The following SGCG variants were observed in gnomAD, a reference collection of about 807,000 sequenced individuals.
SGCG encodes gamma-sarcoglycan.
Under a neutral mutation model 29.3 loss-of-function variants are expected in SGCG, and 26 were observed. That is an observed-to-expected ratio of 0.89 (90% confidence interval 0.65 to 1.23). SGCG has a LOEUF of 1.23. Among genes scored for constraint, SGCG ranks in the 50% most tolerant of loss-of-function variants. SGCG has a pLI of 0.00. For missense variants in SGCG, 353 were observed against 356.0 expected (o/e 0.99, Z 0.07); for synonymous variants, 145 against 129.7 (o/e 1.12, Z -0.80).
At chr13:23,274,701 C>T (rs1324226217) in intron 4 of SGCG, among the ~76,000 whole-genome samples, 2 of 152,084 alleles carry the variant, frequency 1.3e-5, no homozygotes, top group Non-Finnish European at 2.9e-5. Context: ...GGATTATGGG[C>T]GTGAGCCACT....
chr13:23,180,180 G>C (rs1165011709), upstream of SGCG, among the ~76,000 whole-genome samples: 1 of 151,902 alleles, frequency 6.6e-6, no homozygotes, highest in East Asian at 1.9e-4. Flanking sequence ...CTGCAAACCA[G>C]GTCACATAAA....
At chr13:23,274,400 T>C (rs1316588951) in intron 4 of SGCG, among the ~76,000 whole-genome samples, 19 of 117,698 alleles carry the variant, frequency 1.6e-4, no homozygotes, top group South Asian at 8.5e-4. Context: ...TTTCTCTTTT[T>C]TTTTTTTTTT....
Position 23,324,640 on chromosome 13 carries a change from G to T in SGCG, c.*99G>T. ...GTGAAAGACTGAGGCAGCGTGGATG[G>T]GAAGTAAACGCTTCCAGAGGAACTC... On this transcript the variant is annotated 3_prime_UTR_variant, in exon 8 of 8. Transcript: ENST00000218867. The T allele has an allele frequency of 9.5e-7, 1 of 1,054,196 alleles. No homozygotes were observed. The highest frequency in any genetic ancestry group is 1.4e-6 in the Non-Finnish European group (1 of 699,300). The allele number at this position is 1,054,196 out of a possible 1,614,324, so 65.3% of individuals were successfully genotyped here.
Position 23,320,641 on chromosome 13 carries a change from G to C in SGCG, c.583G>C (p.Glu195Gln), listed in dbSNP as rs1192717113. ...RADPFQDLRL[E>Q]SPTRSLSMDA... ...TGCTTCTTTTCCTCATCTCAGATTA[G>C]AATCCCCCACTCGGAGTCTAAGCAT... Residue 195 changes from glutamate (E) to glutamine (Q), a missense_variant, in exon 7 of 8, where the codon GAA becomes CAA. Transcript: ENST00000218867. 2 of 1,327,984 alleles carry C rather than the reference G, an allele frequency of 1.5e-6. No individual in the cohort carries two copies. Among genetic ancestry groups the C allele is most frequent in the Non-Finnish European group, 2.1e-6 (2 of 962,074 alleles). The allele number at this position is 1,327,984 out of a possible 1,614,324, so 82.3% of individuals were successfully genotyped here. A position where few individuals can be genotyped will look rare whatever the true frequency, so the allele number is the denominator to read the frequency against.
intron 2 of SGCG, among the ~76,000 whole-genome samples, chr13:23,212,213 G>C (rs1446028728): frequency 6.6e-6 from 1 of 152,110 alleles, no homozygotes; most frequent in Non-Finnish European, 1.5e-5. Context: ...TCTTCTTTGT[G>C]ATTGACCCAG....
At chr13:23,317,065 G>A (rs1196161752) in intron 6 of SGCG, among the ~76,000 whole-genome samples, 1 of 152,110 alleles carries the variant, frequency 6.6e-6, no homozygotes, top group African/African-American at 2.4e-5. Context: ...CATGGTGGTA[G>A]GCACCTATAG....
Position 23,279,380 on chromosome 13 carries a change from A to G in SGCG, c.407A>G (p.Gln136Arg), listed in dbSNP as rs569816696. Residue 136 changes from glutamine (Q) to arginine (R), a missense_variant, in exon 5 of 8, where the codon CAG (glutamine) becomes CGG (arginine). By Grantham distance (43) the Gln-to-Arg change is conservative (BLOSUM62 1). Coordinates refer to ENST00000218867, the MANE Select transcript of SGCG (RefSeq NM_000231.3). ...TCAGGTCCCAAAATGGTAGAAGTCC[A>G]GAATCAACAGTTTCAGATCAACTCC... Reference protein sequence around the residue: ...LKVGPKMVEVQNQQFQINSND... With the variant: ...LKVGPKMVEVRNQQFQINSND... 40 of 1,613,158 alleles carry G rather than the reference A, an allele frequency of 2.5e-5. No individual in the cohort carries two copies. Among genetic ancestry groups the G allele is most frequent in the Non-Finnish European group, 3.1e-5 (37 of 1,179,436 alleles).
chr13:23,192,714 G>A (rs1310130659), intron 1 of SGCG, among the ~76,000 whole-genome samples: 1 of 152,164 alleles, frequency 6.6e-6, no homozygotes, highest in Non-Finnish European at 1.5e-5. Flanking sequence ...CTTTATTAAA[G>A]AACAGTTATG....
intron 4 of SGCG, among the ~76,000 whole-genome samples, chr13:23,260,522 A>G (rs9550942): frequency 0.026 from 3,936 of 152,282 alleles, 246 homozygotes; most frequent in East Asian, 0.25. Context: ...GTGTCTTTTA[A>G]TTGGGGCATT....
the SGCG span, among the ~76,000 whole-genome samples, chr13:23,173,508 C>T: frequency 6.6e-6 from 1 of 152,318 alleles, no homozygotes; most frequent in African/African-American, 2.4e-5. Flanking sequence ...TTCCTGGGCA[C>T]AGATCACTCT....
intron 6 of SGCG, among the ~76,000 whole-genome samples, chr13:23,319,502 CAAAT>C (rs1359597020): frequency 1.3e-5 from 2 of 152,080 alleles, no homozygotes; most frequent in Non-Finnish European, 2.9e-5. Context: ...TCTTCTATAA[CAAAT>C]AGTCATAGAT....
chr13:23,322,020 A>G lies in SGCG; in HGVS notation c.702+1260A>G, dbSNP rs943152877. ...GGATTTGGTTTATAAGCTCATTCCA[A>G]TTGTATGATGCCATATTTATAGATT... On this transcript the variant is annotated intron_variant, in intron 7 of 7. Transcript: ENST00000218867. Among the ~76,000 whole-genome samples, 4 of 152,234 alleles carry G rather than the reference A, an allele frequency of 2.6e-5. No homozygotes were observed. The East Asian group carries it at 5.8e-4, about 22-fold the overall frequency.
chr13:23,286,769 A>G (rs1381424881), intron 5 of SGCG, among the ~76,000 whole-genome samples: 1 of 152,170 alleles, frequency 6.6e-6, no homozygotes, highest in Non-Finnish European at 1.5e-5. Context: ...ATCTTATTTG[A>G]CTGTCCTCAC....
At chr13:23,179,806 G>T (rs2137462298), upstream of SGCG, among the ~76,000 whole-genome samples, 1 of 152,314 alleles carries the variant, frequency 6.6e-6, no homozygotes, top group East Asian at 1.9e-4. Flanking sequence ...AGAATGAAGA[G>T]AAAAGTCTCC....
intron 4 of SGCG, among the ~76,000 whole-genome samples, chr13:23,254,348 A>C (rs997272603): frequency 6.6e-6 from 1 of 152,178 alleles, no homozygotes; most frequent in African/African-American, 2.4e-5. Flanking sequence ...GCCCTAGGAA[A>C]GAGCTTAGCT....
Position 23,184,666 on chromosome 13 carries a change from G to T in SGCG, c.-1+3591G>T, listed in dbSNP as rs372604356. Among the ~76,000 whole-genome samples, 247 of 152,236 alleles carry T rather than the reference G, an allele frequency of 1.6e-3. 1 individual carries two copies. Among genetic ancestry groups the T allele is most frequent in the African/African-American group, 5.9e-3 (245 of 41,532 alleles). On this transcript the variant is annotated intron_variant, in intron 1 of 7. Coordinates refer to ENST00000218867, the MANE Select transcript of SGCG (RefSeq NM_000231.3). ...CTGGTTTCTGGATGGCCAGTAAGGG[G>T]GTCTTTTTAATTCTCTCTCTCTCCC...
chr13:23,195,606 G>A (rs1176613289), intron 1 of SGCG, among the ~76,000 whole-genome samples: 1 of 151,976 alleles, frequency 6.6e-6, no homozygotes, highest in Non-Finnish European at 1.5e-5. Context: ...AAATGGCAGA[G>A]TTTGCCATTT....
intron 2 of SGCG, among the ~76,000 whole-genome samples, chr13:23,226,517 G>A (rs1412605352): frequency 6.6e-6 from 1 of 152,046 alleles, no homozygotes; most frequent in African/African-American, 2.4e-5. Flanking sequence ...ATATTAAGAT[G>A]TCAATTCTTC....
At chr13:23,264,438 CA>C (rs1320034387) in intron 4 of SGCG, among the ~76,000 whole-genome samples, 1 of 151,904 alleles carries the variant, frequency 6.6e-6, no homozygotes, top group Non-Finnish European at 1.5e-5. Context: ...ATGATGCAAG[CA>C]AATTGAAATA....
Sources: gnomAD v4.1 joint callset for allele counts (sites outside exome capture counted in the v4.1 genomes callset) on GRCh38, gnomAD v4.1.1 for gene constraint, MANE v1.5 for transcripts, NCBI Gene and HGNC (gene_info 2026-07-23, HGNC 2026-07-21) for gene names.